The following RALGAPB variants were observed in gnomAD, a reference collection of about 807,000 sequenced individuals.
RALGAPB encodes ral GTPase-activating protein subunit beta.
Under a neutral mutation model 161.1 loss-of-function variants are expected in RALGAPB, and 25 were observed. The ratio of observed to expected loss-of-function variants is 0.16; its 90% CI spans 0.11 to 0.22. The LOEUF (loss-of-function observed/expected upper bound fraction) is 0.22. Ranked by LOEUF, RALGAPB falls within the 10% of genes least tolerant of loss-of-function variation. RALGAPB has a pLI of 1.00. For missense variants in RALGAPB, 1,391 were observed against 1,815.2 expected, an observed-to-expected ratio of 0.77 and a Z score of 4.25; for synonymous variants, 629 against 626.1, an observed-to-expected ratio of 1.00 and a Z score of -0.07.
chr20:38,508,757 A>G (rs189954717), intron 5 of RALGAPB, among the ~76,000 whole-genome samples: 124 of 152,258 alleles, frequency 8.1e-4, no homozygotes, highest in African/African-American at 2.9e-3. Context: ...AAAGTCTCCA[A>G]TTTGTTTTCA....
intron 4 of RALGAPB, among the ~76,000 whole-genome samples, chr20:38,498,788 A>T (rs1216584860): frequency 1.3e-5 from 2 of 152,134 alleles, no homozygotes. Context: ...CCCCATTTTC[A>T]TGGTTAAGGC....
Position 38,535,204 on chromosome 20 carries a change from A to G in RALGAPB, c.2376A>G (p.Ala792=). The part of the protein sequence containing the change: ...LAALELLSGL[A]KVKVMVDSGD... ...CTCTAGAGCTCCTCTCTGGCCTTGCAAAGGTGAGGAAGACAGTCCTTTTAT... is the reference window on the plus strand; with the variant it reads ...CTCTAGAGCTCCTCTCTGGCCTTGCGAAGGTGAGGAAGACAGTCCTTTTAT... The change falls in exon 16 of 30, where the codon GCA becomes GCG. Residue 792 remains alanine (A), a synonymous_variant. Coordinates refer to ENST00000262879, the MANE Select transcript of RALGAPB (RefSeq NM_020336.4). The G allele has an allele frequency of 6.2e-7, 1 of 1,614,148 alleles. No individual in the cohort carries two copies. The highest frequency in any genetic ancestry group is 8.5e-7 in the Non-Finnish European group (1 of 1,180,006).
rs373890716 is a variant in RALGAPB at position 38,577,868 on chromosome 20, G to A, written c.*2901G>A. 1.3e-5 allele frequency: 2 copies of A among 152,286 alleles called. No individual in the cohort carries two copies. Among genetic ancestry groups the A allele is most frequent in the East Asian group, 3.9e-4 (2 of 5,180 alleles). 9.4% of individuals were successfully genotyped at this position (152,286 alleles called of 1,614,324 possible). A position where few individuals can be genotyped will look rare whatever the true frequency, so the allele number is the denominator to read the frequency against. On this transcript the variant is annotated 3_prime_UTR_variant, in exon 30 of 30. Coordinates refer to ENST00000262879, the MANE Select transcript of RALGAPB (RefSeq NM_020336.4). ...GTCAGTTACCTGCTGCAGGTTCTGT[G>A]TATGAGGCCTTCATGAACGGTTACC... is the stretch of plus-strand genomic sequence containing the variant.
At position 38,473,040 on chromosome 20, in the gene RALGAPB, C is replaced by G. The variant is rs2084695419; in HGVS notation, c.-60C>G. The G allele has an allele frequency of 5.2e-6, 2 of 383,916 alleles. No individual in the cohort carries two copies. Among genetic ancestry groups the G allele is most frequent in the East Asian group, 3.7e-5 (1 of 26,884 alleles). 23.8% of individuals were successfully genotyped at this position (383,916 alleles called of 1,614,324 possible). ...GGACGGCCGGCGGCGGCGCCCGCCC[C>G]GGCGATGCGGGCCCCGCCCGTCGCC... On this transcript the variant is annotated 5_prime_UTR_variant, in exon 1 of 30. Coordinates refer to ENST00000262879, the MANE Select transcript of RALGAPB (RefSeq NM_020336.4).
chr20:38,482,761 A>G (rs1441617408), intron 1 of RALGAPB, among the ~76,000 whole-genome samples: 1 of 152,008 alleles, frequency 6.6e-6, no homozygotes, highest in Non-Finnish European at 1.5e-5. Flanking sequence ...TATGATATAT[A>G]TGTTTTTCTT....
rs372346845 is a variant in RALGAPB at position 38,525,352 on chromosome 20, C to CT, written c.1788-51dup. 491 of 1,285,614 alleles carry CT rather than the reference C, an allele frequency of 3.8e-4. 3 individuals carry two copies. The African/African-American group carries it at 6.2e-3, about 16-fold the overall frequency. The allele number at this position is 1,285,614 out of a possible 1,614,324, so 79.6% of individuals were successfully genotyped here. ...TGGCATTATATGTATTTGGCAGTAG[C>CT]TAAAAATGTGCTTTAGTTCAAAAAT... On this transcript the variant is annotated intron_variant, in intron 11 of 29. Transcript: ENST00000262879.
At chr20:38,527,330 A>C (rs2086503161) in intron 13 of RALGAPB, among the ~76,000 whole-genome samples, 1 of 152,186 alleles carries the variant, frequency 6.6e-6, no homozygotes, top group South Asian at 2.1e-4. Flanking sequence ...TCTAAAACTG[A>C]GGGACAGATC....
Position 38,517,827 on chromosome 20 carries a change from C to T in RALGAPB, c.1244C>T (p.Ser415Phe). The change falls in exon 9 of 30, where the codon TCC becomes TTC. Residue 415 changes from serine to phenylalanine, a missense_variant. Transcript: ENST00000262879. ...HASKVQHQTS[S>F]TSPLSSPNQT... Reference sequence around the variant, plus strand: ...TCTAAAGTTCAGCACCAGACGTCCTCCACCTCTCCTCTGTCAAGTCCAAAT... The same window carrying T: ...TCTAAAGTTCAGCACCAGACGTCCTTCACCTCTCCTCTGTCAAGTCCAAAT... The T allele has an allele frequency of 6.2e-7, 1 of 1,614,042 alleles. No homozygotes were observed. The highest frequency in any genetic ancestry group is 8.5e-7 in the Non-Finnish European group (1 of 1,179,914).
chr20:38,496,950 TAAA>T (rs748894302), intron 3 of RALGAPB, among the ~76,000 whole-genome samples: 1 of 152,124 alleles, frequency 6.6e-6, no homozygotes, highest in African/African-American at 2.4e-5. Flanking sequence ...TTAAAAAAAT[TAAA>T]AAAGAATACC....
Position 38,525,900 on chromosome 20 carries a change from C to T in RALGAPB, c.1908C>T (p.Val636=), listed in dbSNP as rs1270641375. 1.2e-6 allele frequency: 2 copies of T among 1,611,638 alleles called. No individual in the cohort carries two copies. The highest frequency in any genetic ancestry group is 1.7e-6 in the Non-Finnish European group (2 of 1,179,444). ...ATTATTTGTTTTTTCCATAGGTGGT[C>T]CTGGAAGGAAAGTTTAGTAACGATG... The part of the protein sequence containing the change: ...HHFGTVKSEV[V]LEGKFSNDDS... The change falls in exon 13 of 30, where the codon GTC becomes GTT. Residue 636 remains valine, a synonymous_variant. Coordinates refer to ENST00000262879, the MANE Select transcript of RALGAPB (RefSeq NM_020336.4).
chr20:38,574,784 G>A lies in RALGAPB; in HGVS notation c.4302G>A (p.Val1434=). ...CTCTCTATTTTCAAGGCTTTCTGGT[G>A]AGGCAGACTGTAATTAACATTTGTA... ...IVSRRALGFL[V]RQTVINICRR... is the part of the protein sequence containing the mutation. Residue 1434 remains valine (V), a synonymous_variant, in exon 30 of 30, where the codon GTG becomes GTA. Coordinates refer to ENST00000262879, the MANE Select transcript of RALGAPB (RefSeq NM_020336.4). 1 of 1,613,688 alleles carries A rather than the reference G, an allele frequency of 6.2e-7. No homozygotes were observed. The highest frequency in any genetic ancestry group is 8.5e-7 in the Non-Finnish European group (1 of 1,179,602).
rs1206188329 is a variant in RALGAPB, at chr20:38,507,808, C to T, written c.741-1269C>T. Among the ~76,000 whole-genome samples the T allele has an allele frequency of 4.6e-5, 7 of 152,048 alleles. No homozygotes were observed. In the East Asian group the frequency reaches 1.3e-3, roughly 29 times the overall value. ...GAACTCCTGACCTCAAGCAATCCTCCCATCTTCCCCTGCTGTTTTGATATT... is the reference window on the plus strand; with the variant it reads ...GAACTCCTGACCTCAAGCAATCCTCTCATCTTCCCCTGCTGTTTTGATATT... On this transcript the variant is annotated intron_variant, in intron 5 of 29. Transcript: ENST00000262879.
chr20:38,519,505 T>C lies in RALGAPB; in HGVS notation c.1417+1505T>C, dbSNP rs7261030. On this transcript the variant is annotated intron_variant, in intron 9 of 29. Coordinates refer to ENST00000262879, the MANE Select transcript of RALGAPB (RefSeq NM_020336.4). Reference sequence around the variant, plus strand: ...TCAACCTGTTGCTTGGTTGGTGGGCTTGCTTAAAGGGAACTTATAGATCTT... The same window carrying C: ...TCAACCTGTTGCTTGGTTGGTGGGCCTGCTTAAAGGGAACTTATAGATCTT... Among the ~76,000 whole-genome samples, 635 of 152,294 alleles carry C rather than the reference T, an allele frequency of 4.2e-3. 3 individuals are homozygous for C. Among genetic ancestry groups the C allele is most frequent in the African/African-American group, 0.015 (604 of 41,554 alleles).
chr20:38,498,082 AAAAG>A (rs1413222317), intron 4 of RALGAPB, among the ~76,000 whole-genome samples: 14 of 141,826 alleles, frequency 9.9e-5, no homozygotes, highest in African/African-American at 2.9e-4. Context: ...AAAAAAAAAA[AAAAG>A]AAAAGAAACA....
intron 19 of RALGAPB, chr20:38,548,077 G>T (rs1215247707): frequency 6.6e-6 from 1 of 152,154 alleles, no homozygotes; most frequent in African/African-American, 2.4e-5. Flanking sequence ...GTTTGAAGGC[G>T]TTTGACTCCC....
chr20:38,527,644 G>A (rs805558), intron 13 of RALGAPB, among the ~76,000 whole-genome samples: 10,737 of 152,230 alleles, frequency 0.071, 726 homozygotes, highest in African/African-American at 0.18. Context: ...TAATATCTCA[G>A]ATACATTCTG....
chr20:38,571,777 A>G (rs1050387464), intron 28 of RALGAPB, among the ~76,000 whole-genome samples: 1 of 152,198 alleles, frequency 6.6e-6, no homozygotes, highest in African/African-American at 2.4e-5. Flanking sequence ...TTGAGGAACC[A>G]TACTGTTTTC....
chr20:38,519,772 T>C (rs978101274), intron 9 of RALGAPB, among the ~76,000 whole-genome samples: 2 of 152,220 alleles, frequency 1.3e-5, no homozygotes, highest in African/African-American at 4.8e-5. Flanking sequence ...TCTTGAGGTC[T>C]CAAGTCTGGT....
Position 38,521,544 on chromosome 20 carries a change from A to G in RALGAPB, c.1465A>G (p.Met489Val). The change falls in exon 10 of 30, where the codon ATG (methionine) becomes GTG (valine). Residue 489 changes from methionine (M) to valine (V), a missense_variant. This residue lies in a region of RALGAPB where 946 missense variants were observed against 1,257.2 expected (regional missense o/e 0.75). Coordinates refer to ENST00000262879, the MANE Select transcript of RALGAPB (RefSeq NM_020336.4). Reference protein sequence around the residue: ...SMEFRRKGSQMSTDTMVSNPM... With the variant: ...SMEFRRKGSQVSTDTMVSNPM... ...GGAGTTTCGACGGAAAGGGTCACAA[A>G]TGTCCACAGACACCATGGTTTCCAA... The G allele has an allele frequency of 1.2e-6, 2 of 1,614,182 alleles. No homozygotes were observed. The highest frequency in any genetic ancestry group is 1.1e-5 in the South Asian group (1 of 91,078).
Sources: allele counts gnomAD v4.1 joint callset (sites outside exome capture counted in the v4.1 genomes callset), GRCh38; gene constraint gnomAD v4.1.1; regional missense constraint gnomAD v4.1.1; transcripts MANE v1.5; gene names NCBI Gene and HGNC (gene_info 2026-07-23, HGNC 2026-07-21).